Variants in PGM1 observed in about 807,000 individuals in gnomAD.
PGM1 encodes the protein phosphoglucomutase 1.
PGM1 carries 52 observed loss-of-function variants against 55.6 expected under a neutral mutation model. That is an observed-to-expected ratio of 0.94 (90% CI 0.75 to 1.18). The LOEUF is 1.18. Among genes scored for constraint, PGM1 ranks in the 50% most tolerant of loss-of-function variants. The probability of loss-of-function intolerance (pLI) is 0.00; values close to 1 mark genes in which losing one functional copy is unlikely to be tolerated. For missense variants in PGM1, 724 were observed against 729.3 expected, an observed-to-expected ratio of 0.99 and a Z score of 0.08; for synonymous variants, 287 against 271.7, an observed-to-expected ratio of 1.06 and a Z score of -0.55.
Position 63,631,578 on chromosome 1 carries a change from A to C in PGM1, c.557-79A>C, listed in dbSNP as rs1649194540. On this transcript the variant is annotated intron_variant, in intron 3 of 10. Transcript: ENST00000371084. ...TTTAAAATAGCAATAGCAGGTTTAC[A>C]GCAATATAGTCACATCAGAATATAA... The C allele has an allele frequency of 4.4e-6, 6 of 1,369,550 alleles. No individual in the cohort carries two copies. In the Admixed American group the frequency reaches 1.0e-4, roughly 23 times the overall value. 84.8% of individuals were successfully genotyped at this position (1,369,550 alleles called of 1,614,324 possible). A position where few individuals can be genotyped will look rare whatever the true frequency, so the allele number is the denominator to read the frequency against.
chr1:63,653,615 G>A (rs769577445), intron 9 of PGM1, among the ~76,000 whole-genome samples: 5 of 152,150 alleles, frequency 3.3e-5, no homozygotes, highest in Admixed American at 6.5e-5. Flanking sequence ...CTTCCCTCAG[G>A]TTGGGAAATA....
chr1:63,633,826 C>A (rs1294336292), intron 4 of PGM1, among the ~76,000 whole-genome samples: 3 of 144,600 alleles, frequency 2.1e-5, no homozygotes, highest in Non-Finnish European at 4.5e-5. Flanking sequence ...CGCCACCAGG[C>A]CTGGCAAATC....
intron 1 of PGM1, among the ~76,000 whole-genome samples, chr1:63,595,958 C>T (rs1025037945): frequency 2.0e-5 from 3 of 152,200 alleles, no homozygotes; most frequent in Admixed American, 6.5e-5. Context: ...TTCTCACCTC[C>T]GGTTTACTCG....
At chr1:63,594,312 G>A (rs1464748941) in intron 1 of PGM1, among the ~76,000 whole-genome samples, 1 of 152,100 alleles carries the variant, frequency 6.6e-6, no homozygotes, top group East Asian at 1.9e-4. Context: ...CTCAGCAGGC[G>A]GGTGCCAATC....
chr1:63,599,459 C>T (rs942703863), intron 1 of PGM1, among the ~76,000 whole-genome samples: 10 of 151,750 alleles, frequency 6.6e-5, no homozygotes, highest in Admixed American at 2.6e-4. Flanking sequence ...CCACCACACC[C>T]GGCCCAAGTC....
intron 1 of PGM1, among the ~76,000 whole-genome samples, chr1:63,598,738 G>A (rs1175484853): frequency 2.0e-5 from 3 of 152,196 alleles, no homozygotes; most frequent in Non-Finnish European, 2.9e-5. Flanking sequence ...TGAGGTAGGG[G>A]AAGGGGATGT....
chr1:63,632,583 C>T (rs949046185), intron 4 of PGM1, among the ~76,000 whole-genome samples: 10 of 152,190 alleles, frequency 6.6e-5, no homozygotes, highest in African/African-American at 9.6e-5. Context: ...CAGACAAAAG[C>T]GATTCTGTCA....
At chr1:63,611,638 C>T (rs1648569727) in intron 1 of PGM1, among the ~76,000 whole-genome samples, 1 of 152,178 alleles carries the variant, frequency 6.6e-6, no homozygotes, top group African/African-American at 2.4e-5. Flanking sequence ...GGCGCAGTGG[C>T]TCTCACCTGT....
chr1:63,659,536 T>A (rs982218086), intron 10 of PGM1, 50 bp from the exon 11 acceptor site: 7 of 1,447,366 alleles, frequency 4.8e-6, no homozygotes, highest in Non-Finnish European at 6.8e-6. Context: ...GAGCTAAGCA[T>A]CTGTGTTTAG....
Position 63,593,616 on chromosome 1 carries a change from T to C in PGM1, c.128T>C (p.Ile43Thr). The C allele has an allele frequency of 6.2e-7, 1 of 1,613,116 alleles. No homozygotes were observed. Among genetic ancestry groups the C allele is most frequent in the Non-Finnish European group, 8.5e-7 (1 of 1,179,728 alleles). ...ANYAENFIQSIISTVEPAQRQ... is the reference protein window; with the variant it reads ...ANYAENFIQSTISTVEPAQRQ... ...TACGCGGAGAACTTCATCCAGAGTA[T>C]CATCTCCACCGTGGAGCCGGCGCAG... Residue 43 changes from isoleucine to threonine, a missense_variant, in exon 1 of 11, where the codon ATC becomes ACC. By Grantham distance (89) the Ile-to-Thr change is moderately conservative. This residue lies in a region of PGM1 where 379 missense variants were observed against 357.5 expected (regional missense o/e 1.06). Transcript: ENST00000371084.
rs139938560 is a variant in PGM1 at position 63,654,788 on chromosome 1, A to G, written c.1599+322A>G. Among the ~76,000 whole-genome samples, 1,039 of 151,900 alleles carry G rather than the reference A, an allele frequency of 6.8e-3. 5 individuals carry two copies. Among genetic ancestry groups the G allele is most frequent in the Non-Finnish European group, 0.011 (741 of 67,978 alleles). On this transcript the variant is annotated intron_variant, in intron 10 of 10. Transcript: ENST00000371084. ...TTAATTAATTAATTAAAAATAAAAAATTTTCTGAGCATTTATGGTTTGCCA... is the reference window on the plus strand; with the variant it reads ...TTAATTAATTAATTAAAAATAAAAAGTTTTCTGAGCATTTATGGTTTGCCA...
At chr1:63,642,245 T>G (rs1388220433) in intron 7 of PGM1, among the ~76,000 whole-genome samples, 1 of 152,238 alleles carries the variant, frequency 6.6e-6, no homozygotes, top group Non-Finnish European at 1.5e-5. Flanking sequence ...AATCTTGGAA[T>G]ATTACTAACA....
intron 1 of PGM1, among the ~76,000 whole-genome samples, chr1:63,626,379 C>T (rs1649015417): frequency 6.6e-6 from 1 of 152,080 alleles, no homozygotes; most frequent in South Asian, 2.1e-4. Context: ...TCCCCATTTC[C>T]ACTCCCACCA....
chr1:63,638,486 G>A (rs985110635), intron 6 of PGM1, among the ~76,000 whole-genome samples, 199 bp from the exon 7 acceptor site: 2 of 151,580 alleles, frequency 1.3e-5, no homozygotes, highest in East Asian at 1.9e-4. Flanking sequence ...TTCTTCTTCC[G>A]CCTTCTCTGA....
intron 10 of PGM1, among the ~76,000 whole-genome samples, chr1:63,659,369 AGTT>A (rs780854396): frequency 2.6e-5 from 4 of 152,356 alleles, no homozygotes; most frequent in African/African-American, 9.6e-5. Flanking sequence ...AGCAACTCCT[AGTT>A]GTTCACTTTA....
chr1:63,627,708 G>A (rs2100980273), intron 1 of PGM1, among the ~76,000 whole-genome samples: 1 of 152,166 alleles, frequency 6.6e-6, no homozygotes, highest in Non-Finnish European at 1.5e-5. Context: ...GGGTGGTGTA[G>A]CTTAATATCA....
In PGM1 at chr1:63,659,576, T is replaced by A; in HGVS notation, c.1600-10T>A. On this transcript the variant is annotated splice_polypyrimidine_tract_variant and intron_variant, in intron 10 of 10. Transcript: ENST00000371084. Reference sequence around the variant, plus strand: ...AGTGATGGAAAAGCTTCTCTCTATGTCTTCCTCAGGTCATGTTGGCCCCCC... The same window carrying A: ...AGTGATGGAAAAGCTTCTCTCTATGACTTCCTCAGGTCATGTTGGCCCCCC... 1.2e-6 allele frequency: 2 copies of A among 1,609,886 alleles called. No homozygotes were observed. The highest frequency in any genetic ancestry group is 1.7e-6 in the Non-Finnish European group (2 of 1,176,194).
intron 1 of PGM1, 126 bp downstream of exon 1, chr1:63,593,860 T>C (rs1261124570): frequency 4.6e-6 from 6 of 1,294,372 alleles, no homozygotes; most frequent in South Asian, 4.7e-5. Context: ...CACCTCCCGC[T>C]CCTCCCTCTC....
At chr1:63,636,508 G>A in intron 6 of PGM1, 120 bp downstream of exon 6, 2 of 1,049,392 alleles carry the variant, frequency 1.9e-6, no homozygotes, top group East Asian at 2.4e-5. Flanking sequence ...TGCATAGAGT[G>A]TGCTGAGCGA....
Sources: allele counts gnomAD v4.1 joint callset (sites outside exome capture counted in the v4.1 genomes callset), GRCh38; gene constraint gnomAD v4.1.1; regional missense constraint gnomAD v4.1.1; transcripts MANE v1.5; gene names NCBI Gene and HGNC (gene_info 2026-07-23, HGNC 2026-07-21).